The following AHCYL2 variants were observed in gnomAD, a reference collection of about 807,000 sequenced individuals.
AHCYL2 encodes the protein S-adenosylhomocysteine hydrolase-like protein 2.
Under a neutral mutation model 81.4 loss-of-function variants are expected in AHCYL2, and 28 were observed. That is an observed-to-expected ratio of 0.34 (90% confidence interval 0.25 to 0.47). AHCYL2 has a LOEUF of 0.47. AHCYL2 is among the 20% of genes least tolerant of loss of function. The pLI, the probability that AHCYL2 is intolerant of heterozygous loss-of-function variation, is 1.00. For synonymous variants in AHCYL2, 272 were observed against 290.2 expected, an observed-to-expected ratio of 0.94 and a Z score of 0.64; for missense variants, 551 against 785.1, an observed-to-expected ratio of 0.70 and a Z score of 3.56.
At chr7:129,284,846 T>C (rs1289503265) in intron 1 of AHCYL2, among the ~76,000 whole-genome samples, 1 of 152,146 alleles carries the variant, frequency 6.6e-6, no homozygotes, top group Admixed American at 6.5e-5. Flanking sequence ...AAATTGAAAA[T>C]GAAATCATTA....
intron 1 of AHCYL2, among the ~76,000 whole-genome samples, chr7:129,230,518 T>C (rs1231639755): frequency 6.6e-6 from 1 of 152,164 alleles, no homozygotes; most frequent in Non-Finnish European, 1.5e-5. Context: ...CCCTAAACTG[T>C]TGCTTTTCAA....
At chr7:129,304,910 C>T (rs778032100) in intron 1 of AHCYL2, among the ~76,000 whole-genome samples, 25 of 151,042 alleles carry the variant, frequency 1.7e-4, no homozygotes, top group Non-Finnish European at 1.8e-4. Flanking sequence ...TAGGGACTTA[C>T]TCCTGCCATT....
At chr7:129,271,186 C>T (rs1307790414) in intron 1 of AHCYL2, among the ~76,000 whole-genome samples, 2 of 151,748 alleles carry the variant, frequency 1.3e-5, no homozygotes, top group Admixed American at 6.6e-5. Flanking sequence ...ACGGTGAAAT[C>T]CCGTTTCTAC....
chr7:129,406,347 C>T lies in AHCYL2; in HGVS notation c.1207-31C>T, dbSNP rs1349565486. The T allele has an allele frequency of 6.2e-7, 1 of 1,601,708 alleles. No individual in the cohort carries two copies. The highest frequency in any genetic ancestry group is 2.2e-5 in the East Asian group (1 of 44,788). On this transcript the variant is annotated intron_variant, in intron 9 of 16. Transcript: ENST00000325006. The surrounding 1 kb of genome is among the most constrained non-coding windows in gnomAD (Gnocchi z 4.3). Reference sequence around the variant, plus strand: ...GAGAAATGGTTTTCTCAGTGACTTTCCTTAATATGTGTGCTCTCTCCCCTC... The same window carrying T: ...GAGAAATGGTTTTCTCAGTGACTTTTCTTAATATGTGTGCTCTCTCCCCTC...
chr7:129,298,734 C>G (rs1351277531), intron 1 of AHCYL2, among the ~76,000 whole-genome samples: 1 of 152,158 alleles, frequency 6.6e-6, no homozygotes, highest in African/African-American at 2.4e-5. Flanking sequence ...AGTGATTTGT[C>G]TATTTTATGT....
At chr7:129,306,527 A>C (rs185561308) in intron 1 of AHCYL2, among the ~76,000 whole-genome samples, 1,556 of 152,162 alleles carry the variant, frequency 0.01, 21 homozygotes, top group Non-Finnish European at 0.013. Context: ...GAGTTTCCTC[A>C]AAACAGTTAT....
rs752787133 is a variant in AHCYL2, at chr7:129,405,126, T to A, written c.1055T>A (p.Leu352Gln). 20 of 1,606,686 alleles carry A rather than the reference T, an allele frequency of 1.2e-5. No individual in the cohort carries two copies. The highest frequency in any genetic ancestry group is 1.6e-5 in the Non-Finnish European group (19 of 1,176,800). The change falls in exon 8 of 17, where the codon CTG becomes CAG. Residue 352 changes from leucine (L) to glutamine (Q), a missense_variant. By Grantham distance (113) the Leu-to-Gln change is moderately radical (BLOSUM62 -2). Coordinates refer to ENST00000325006, the MANE Select transcript of AHCYL2 (RefSeq NM_015328.4). ...RLYQLSKAGKLCVPAMNVNDS... is the reference protein window; with the variant it reads ...RLYQLSKAGKQCVPAMNVNDS... ...TACCAACTGTCCAAAGCTGGGAAGCTGTGTGTTCCAGCCATGAATGTCAAT... is the reference window on the plus strand; with the variant it reads ...TACCAACTGTCCAAAGCTGGGAAGCAGTGTGTTCCAGCCATGAATGTCAAT...
At chr7:129,282,432 G>A (rs1367006080) in intron 1 of AHCYL2, among the ~76,000 whole-genome samples, 1 of 151,798 alleles carries the variant, frequency 6.6e-6, no homozygotes, top group Non-Finnish European at 1.5e-5. Flanking sequence ...GTTTACTTTG[G>A]GTAGTTTTTA....
rs60426186 is a variant in AHCYL2, at chr7:129,419,549, G to A, written c.1462-3291G>A. Among the ~76,000 whole-genome samples, 3,111 of 152,034 alleles carry A rather than the reference G, an allele frequency of 0.02. 96 individuals are homozygous for A. Among genetic ancestry groups the A allele is most frequent in the African/African-American group, 0.07 (2,893 of 41,464 alleles). On this transcript the variant is annotated intron_variant, in intron 12 of 16. Transcript: ENST00000325006. The surrounding 1 kb of genome is among the most constrained non-coding windows in gnomAD (Gnocchi z 4.7). ...AGCCTGGATGACAGAGTGAGACTCC[G>A]TCTCAGAAAAAAGCAGACCTGCTTA...
chr7:129,391,910 C>G (rs1251074663), intron 4 of AHCYL2, among the ~76,000 whole-genome samples: 2 of 152,174 alleles, frequency 1.3e-5, no homozygotes, highest in Admixed American at 1.3e-4. Flanking sequence ...TGTTTTGGAG[C>G]TACAAACTAA....
Position 129,422,844 on chromosome 7 carries a change from G to C in AHCYL2, c.1466G>C (p.Ser489Thr). 6.2e-7 allele frequency: 1 copy of C among 1,614,072 alleles called. No individual in the cohort carries two copies. Among genetic ancestry groups the C allele is most frequent in the Admixed American group, 1.7e-5 (1 of 60,020 alleles). ...TACTTGCTGTATGTGTTCCAGGCGAGTCTGCGGACACCAGAACTGACCTGG... is the reference window on the plus strand; with the variant it reads ...TACTTGCTGTATGTGTTCCAGGCGACTCTGCGGACACCAGAACTGACCTGG... ...GHSNTEIDVA[S>T]LRTPELTWER... The change falls in exon 13 of 17, where the codon AGT becomes ACT. Residue 489 changes from serine to threonine, a missense_variant. Around this residue, in one of 2 missense-constraint regions of AHCYL2, gnomAD observed 316 missense variants for 543.1 expected, o/e 0.58. Coordinates refer to ENST00000325006, the MANE Select transcript of AHCYL2 (RefSeq NM_015328.4).
intron 10 of AHCYL2, among the ~76,000 whole-genome samples, chr7:129,407,377 C>T (rs1198998767): frequency 6.6e-6 from 1 of 152,072 alleles, no homozygotes; most frequent in African/African-American, 2.4e-5. Flanking sequence ...CTATATTATA[C>T]ATTATATAAC....
intron 1 of AHCYL2, among the ~76,000 whole-genome samples, chr7:129,338,044 A>G (rs1396498340): frequency 1.3e-5 from 2 of 152,018 alleles, no homozygotes; most frequent in Non-Finnish European, 2.9e-5. Flanking sequence ...GCGCCTGGCC[A>G]GTTTTTCTTT....
chr7:129,427,117 G>A lies in AHCYL2; in HGVS notation c.*72G>A. 6.8e-7 allele frequency: 1 copy of A among 1,471,738 alleles called. No individual in the cohort carries two copies. Among genetic ancestry groups the A allele is most frequent in the Non-Finnish European group, 9.5e-7 (1 of 1,057,780 alleles). 91.2% of individuals were successfully genotyped at this position (1,471,738 alleles called of 1,614,324 possible). A position where few individuals can be genotyped will look rare whatever the true frequency, so the allele number is the denominator to read the frequency against. ...CTTTTCTCCACTACTATACAAGAAAGAATTCAGCAAGCTGCTTCTCCAATC... is the reference window on the plus strand; with the variant it reads ...CTTTTCTCCACTACTATACAAGAAAAAATTCAGCAAGCTGCTTCTCCAATC... On this transcript the variant is annotated 3_prime_UTR_variant, in exon 17 of 17. Coordinates refer to ENST00000325006, the MANE Select transcript of AHCYL2 (RefSeq NM_015328.4). This position sits in a 1 kb window ranked among gnomAD's most constrained non-coding sequence, Gnocchi z 5.5.
intron 1 of AHCYL2, among the ~76,000 whole-genome samples, chr7:129,227,307 T>A (rs941788331): frequency 6.6e-6 from 1 of 151,996 alleles, no homozygotes; most frequent in Non-Finnish European, 1.5e-5. Context: ...CTCTGAAAGT[T>A]ACACACAGTT....
chr7:129,374,712 T>G (rs1412340063), intron 1 of AHCYL2, among the ~76,000 whole-genome samples: 2 of 148,196 alleles, frequency 1.3e-5, no homozygotes, highest in Admixed American at 1.4e-4. Context: ...GAGTCTGAGG[T>G]AGGACAATCA....
At chr7:129,404,539 G>C (rs1796207082) in intron 7 of AHCYL2, among the ~76,000 whole-genome samples, 1 of 152,142 alleles carries the variant, frequency 6.6e-6, no homozygotes, top group African/African-American at 2.4e-5. Context: ...GCTGAGTGTG[G>C]TGGCGGGCGC....
At chr7:129,321,743 G>GTTTTTTTTTTTTTTTTTTTTTTTTTT in intron 1 of AHCYL2, among the ~76,000 whole-genome samples, 5 of 77,624 alleles carry the variant, frequency 6.4e-5, no homozygotes, top group African/African-American at 9.1e-5. Context: ...TTCTTTCTTT[G>GTTTTTTTTTTTTTTTTTTTTTTTTTT]TTTTTTTTTT....
Position 129,406,495 on chromosome 7 carries a change from C to G in AHCYL2, c.1295+29C>G, listed in dbSNP as rs765556834. ...AGCCTCTACGCTACCATCTCACTTG[C>G]AATCTCGGAGCTGTCTCCAAAGAAT... On this transcript the variant is annotated intron_variant, in intron 10 of 16. Coordinates refer to ENST00000325006, the MANE Select transcript of AHCYL2 (RefSeq NM_015328.4). This position sits in a 1 kb window ranked among gnomAD's most constrained non-coding sequence, Gnocchi z 4.3. 1 of 1,604,552 alleles carries G rather than the reference C, an allele frequency of 6.2e-7. No individual in the cohort carries two copies. The highest frequency in any genetic ancestry group is 8.5e-7 in the Non-Finnish European group (1 of 1,171,416).
Sources: allele counts gnomAD v4.1 joint callset (sites outside exome capture counted in the v4.1 genomes callset), GRCh38; gene constraint gnomAD v4.1.1; regional missense constraint gnomAD v4.1.1; non-coding constraint Gnocchi (gnomAD v3.1); transcripts MANE v1.5; gene names NCBI Gene and HGNC (gene_info 2026-07-23, HGNC 2026-07-21).